The following DDX25 variants were observed in gnomAD, a reference collection of about 807,000 sequenced individuals.
The protein encoded by DDX25 is ATP-dependent RNA helicase DDX25.
In DDX25, 70 loss-of-function variants were observed where a neutral mutation model predicts 64.6. The ratio of observed to expected loss-of-function variants is 1.08; its 90% CI spans 0.89 to 1.32. The LOEUF (loss-of-function observed/expected upper bound fraction) is 1.32. DDX25 is among the 40% of genes most tolerant of loss of function. DDX25 has a pLI of 0.00. For missense variants in DDX25, 587 were observed against 604.4 expected (o/e 0.97, Z 0.30); for synonymous variants, 211 against 213.3 (o/e 0.99, Z 0.09).
At chr11:125,913,083 G>A (rs1331826951) in intron 8 of DDX25, among the ~76,000 whole-genome samples, 8 of 151,430 alleles carry the variant, frequency 5.3e-5, no homozygotes, top group Non-Finnish European at 1.0e-4. Context: ...GCGTGAACCC[G>A]GGAGGCGGAG....
upstream of DDX25, chr11:125,903,506 A>C (rs1265712006): frequency 1.3e-5 from 2 of 152,266 alleles, no homozygotes; most frequent in African/African-American, 2.4e-5. Flanking sequence ...ATACCTAGTT[A>C]AATGAGAAGA....
chr11:125,921,099 T>G lies in DDX25; in HGVS notation c.1202-92T>G. The G allele has an allele frequency of 7.6e-7, 1 of 1,309,168 alleles. No individual in the cohort carries two copies. Among genetic ancestry groups the G allele is most frequent in the Non-Finnish European group, 1.0e-6 (1 of 980,208 alleles). 81.1% of individuals were successfully genotyped at this position (1,309,168 alleles called of 1,614,324 possible). ...TGGTTGGATTTCTAAATTTTCTCTA[T>G]AAATAGGAATTCCCTTGGCAGACGT... is the stretch of plus-strand genomic sequence containing the variant. On this transcript the variant is annotated intron_variant, in intron 10 of 11. Transcript: ENST00000263576. The surrounding 1 kb of genome is among the most constrained non-coding windows in gnomAD (Gnocchi z 4.1).
At position 125,905,286 on chromosome 11, in the gene DDX25, C is replaced by G. The variant is rs1944868076; in HGVS notation, c.130+8C>G. The G allele has an allele frequency of 4.5e-6, 7 of 1,551,532 alleles. No homozygotes were observed. Among genetic ancestry groups the G allele is most frequent in the Non-Finnish European group, 5.2e-6 (6 of 1,146,906 alleles). On this transcript the variant is annotated splice_region_variant and intron_variant, in intron 2 of 11. Coordinates refer to ENST00000263576, the MANE Select transcript of DDX25 (RefSeq NM_013264.5). ...CTGCAGTCCGAAACATAGGTGAGTG[C>G]TGTTAGGGCAAAGCAGAGCGACCTC...
At chr11:125,915,819 C>G (rs772304302) in intron 8 of DDX25, among the ~76,000 whole-genome samples, 22 of 152,352 alleles carry the variant, frequency 1.4e-4, no homozygotes, top group Non-Finnish European at 2.5e-4. Flanking sequence ...GCGTTTTCAT[C>G]AACTCTGTGT....
rs373700798 is a variant in DDX25, at chr11:125,922,848, A to G, written c.1419A>G (p.Glu473=). Residue 473 remains glutamate, a synonymous_variant, in exon 12 of 12, where the codon GAA becomes GAG. Coordinates refer to ENST00000263576, the MANE Select transcript of DDX25 (RefSeq NM_013264.5). The part of the protein sequence containing the change: ...FNSSIKQLNA[E]DMDEIEKIDY Reference sequence around the variant, plus strand: ...GCAGTATTAAGCAACTCAACGCTGAAGACATGGATGAAATTGAAAAGATTG... The same window carrying G: ...GCAGTATTAAGCAACTCAACGCTGAGGACATGGATGAAATTGAAAAGATTG... The G allele has an allele frequency of 6.5e-5, 105 of 1,609,978 alleles. No individual in the cohort carries two copies. Among genetic ancestry groups the G allele is most frequent in the Non-Finnish European group, 8.7e-5 (102 of 1,177,908 alleles).
At chr11:125,906,677 G>T (rs1254747862) in intron 4 of DDX25, among the ~76,000 whole-genome samples, 8 of 151,546 alleles carry the variant, frequency 5.3e-5, no homozygotes, top group Admixed American at 5.3e-4. Context: ...AATACAAAAA[G>T]TAGCCGGGCA....
upstream of DDX25, chr11:125,904,413 G>GGACGCC (rs1944844994): frequency 1.8e-6 from 2 of 1,140,000 alleles, no homozygotes; most frequent in Non-Finnish European, 2.2e-6. Context: ...GCGCGGACGC[G>GGACGCC]GACGCCTGCC....
At position 125,917,156 on chromosome 11, in the gene DDX25, T is replaced by C. The variant is rs1281949090; in HGVS notation, c.943T>C (p.Tyr315His). 1.9e-6 allele frequency: 3 copies of C among 1,611,360 alleles called. No homozygotes were observed. In the Admixed American group the frequency reaches 5.0e-5, roughly 27 times the overall value. Residue 315 changes from tyrosine (Y) to histidine (H), a missense_variant, in exon 9 of 12, where the codon TAT becomes CAT. By Grantham distance (83) the Tyr-to-His change is moderately conservative. Transcript: ENST00000263576. Reference sequence around the variant, plus strand: ...GCTCACACTGAACAACATCCGGCAATATTACGTGCTGTGTGAGCACAGGAA... The same window carrying C: ...GCTCACACTGAACAACATCCGGCAACATTACGTGCTGTGTGAGCACAGGAA... ...EELTLNNIRQ[Y>H]YVLCEHRKDK...
At chr11:125,915,382 AC>A in intron 8 of DDX25, among the ~76,000 whole-genome samples, 1 of 152,376 alleles carries the variant, frequency 6.6e-6, no homozygotes, top group Middle Eastern at 3.4e-3. Context: ...TATCTCTTCA[AC>A]AAGTTAATCA....
upstream of DDX25, among the ~76,000 whole-genome samples, chr11:125,903,721 C>CA (rs1408844325): frequency 5.7e-5 from 4 of 70,268 alleles, no homozygotes; most frequent in African/African-American, 2.4e-4. Context: ...AAATGCTGAT[C>CA]AAAATCTCAA....
intron 9 of DDX25, 114 bp from the exon 10 acceptor site, chr11:125,918,514 C>T: frequency 1.4e-6 from 2 of 1,385,302 alleles, no homozygotes. Flanking sequence ...AGGTGAAGCT[C>T]AACTCCTCTG....
chr11:125,910,520 T>A (rs1565464465), intron 7 of DDX25, 42 bp downstream of exon 7: 44 of 1,571,152 alleles, frequency 2.8e-5, no homozygotes, highest in Non-Finnish European at 3.9e-5. Flanking sequence ...TTTCAAATCC[T>A]GGCTTCACCA....
intron 2 of DDX25, 28 bp downstream of exon 2, chr11:125,905,306 G>A (rs1944868330): frequency 6.5e-7 from 1 of 1,549,448 alleles, no homozygotes; most frequent in Non-Finnish European, 8.7e-7. Flanking sequence ...AAAGCAGAGC[G>A]ACCTCAATGA....
rs1945117487 is a variant in DDX25, at chr11:125,921,631, C to T, written c.1390+252C>T. 1.0e-5 allele frequency: 4 copies of T among 385,484 alleles called. No individual in the cohort carries two copies. The highest frequency in any genetic ancestry group is 1.9e-5 in the Non-Finnish European group (4 of 214,362). The allele number at this position is 385,484 out of a possible 1,614,324, so 23.9% of individuals were successfully genotyped here. On this transcript the variant is annotated intron_variant, in intron 11 of 11. Transcript: ENST00000263576. The surrounding 1 kb of genome is among the most constrained non-coding windows in gnomAD (Gnocchi z 4.1). ...TCAGGCCGGGTGTGGCAGCTCACAC[C>T]TGTAATCCCAGCACTTTGGGAGGCC...
At chr11:125,915,399 A>C (rs771496642) in intron 8 of DDX25, among the ~76,000 whole-genome samples, 3 of 152,238 alleles carry the variant, frequency 2.0e-5, no homozygotes, top group Admixed American at 2.0e-4. Flanking sequence ...AATCAATATA[A>C]AAATTATTAG....
At chr11:125,920,436 CAAAAAAAA>C (rs35297384) in intron 10 of DDX25, among the ~76,000 whole-genome samples, 14 of 145,422 alleles carry the variant, frequency 9.6e-5, no homozygotes, top group Non-Finnish European at 2.0e-4. Context: ...GACTCCATCT[CAAAAAAAA>C]AAAAGAAAAA....
At chr11:125,904,458 A>G, upstream of DDX25, 3 of 1,431,852 alleles carry the variant, frequency 2.1e-6, no homozygotes, top group South Asian at 1.5e-5. Context: ...GGATGGGGCC[A>G]GCACCGCCTC....
At chr11:125,910,648 A>G (rs1251186362) in intron 7 of DDX25, among the ~76,000 whole-genome samples, 170 bp downstream of exon 7, 1 of 152,210 alleles carries the variant, frequency 6.6e-6, no homozygotes, top group African/African-American at 2.4e-5. Flanking sequence ...CATTGTACAC[A>G]ATGCCTGGCA....
At chr11:125,905,460 T>C (rs1183814172) in intron 2 of DDX25, 93 bp from the exon 3 acceptor site, 1 of 1,402,150 alleles carries the variant, frequency 7.1e-7, no homozygotes, top group African/African-American at 1.4e-5. Flanking sequence ...CAGTAGACAC[T>C]GAAGAGTCAG....
Sources: allele counts gnomAD v4.1 joint callset (sites outside exome capture counted in the v4.1 genomes callset), GRCh38; gene constraint gnomAD v4.1.1; non-coding constraint Gnocchi (gnomAD v3.1); transcripts MANE v1.5; gene names NCBI Gene and HGNC (gene_info 2026-07-23, HGNC 2026-07-21).